SGCG: variants seen among roughly 807,000 people sequenced by gnomAD.
SGCG encodes sarcoglycan gamma.
Under a neutral mutation model 29.3 loss-of-function variants are expected in SGCG, and 26 were observed. That is an observed-to-expected ratio of 0.89 (90% CI 0.65 to 1.23). The LOEUF (loss-of-function observed/expected upper bound fraction) is 1.23, where lower values mean the gene tolerates loss of function less well. Among genes scored for constraint, SGCG ranks in the 50% most tolerant of loss-of-function variants. The probability of loss-of-function intolerance (pLI) is 0.00; values close to 1 mark genes in which losing one functional copy is unlikely to be tolerated. For missense variants in SGCG, 353 were observed against 356.0 expected (o/e 0.99, Z 0.07); for synonymous variants, 145 against 129.7 (o/e 1.12, Z -0.80).
chr13:23,225,181 C>G (rs1157272177), intron 2 of SGCG, among the ~76,000 whole-genome samples: 1 of 152,168 alleles, frequency 6.6e-6, no homozygotes, highest in Non-Finnish European at 1.5e-5. Flanking sequence ...CAAGGATGTC[C>G]ACATCCTAAC....
At chr13:23,323,712 G>A (rs1205349317) in intron 7 of SGCG, among the ~76,000 whole-genome samples, 1 of 152,144 alleles carries the variant, frequency 6.6e-6, no homozygotes, top group Non-Finnish European at 1.5e-5. Context: ...CGTGTCTACT[G>A]CTTTTCAGCA....
rs920480553 is a variant in SGCG, at chr13:23,220,272, G to A, written c.196-14339G>A. On this transcript the variant is annotated intron_variant, in intron 2 of 7. Coordinates refer to ENST00000218867, the MANE Select transcript of SGCG (RefSeq NM_000231.3). ...GTTTGAGACCAGCCTGATCAACATG[G>A]AGAAACCCGTCTCTACTAAAAATAC... Among the ~76,000 whole-genome samples the A allele has an allele frequency of 1.3e-5, 2 of 152,106 alleles. 1 individual carries two copies. The highest frequency in any genetic ancestry group is 4.8e-5 in the African/African-American group (2 of 41,442).
intron 5 of SGCG, among the ~76,000 whole-genome samples, chr13:23,288,208 C>T (rs965478897): frequency 1.3e-5 from 2 of 152,190 alleles, no homozygotes; most frequent in Non-Finnish European, 2.9e-5. Context: ...CAGTAGTTGA[C>T]AGCCAAGGAA....
chr13:23,303,093 T>G (rs947766474), intron 6 of SGCG, among the ~76,000 whole-genome samples: 6 of 152,262 alleles, frequency 3.9e-5, no homozygotes, highest in Non-Finnish European at 8.8e-5. Flanking sequence ...TTGTCAATTC[T>G]GTCACCAATT....
chr13:23,183,466 G>A (rs887446412), intron 1 of SGCG, among the ~76,000 whole-genome samples: 2 of 151,994 alleles, frequency 1.3e-5, no homozygotes, highest in African/African-American at 4.8e-5. Flanking sequence ...TTCTCTGCAC[G>A]CAGCCATGGC....
intron 2 of SGCG, among the ~76,000 whole-genome samples, chr13:23,231,434 C>T (rs1879107646): frequency 6.6e-6 from 1 of 151,786 alleles, no homozygotes; most frequent in Non-Finnish European, 1.5e-5. Flanking sequence ...CTTTGGCAAT[C>T]TGACTATGTA....
intron 4 of SGCG, among the ~76,000 whole-genome samples, chr13:23,277,745 C>T (rs1881141021): frequency 1.4e-5 from 2 of 147,982 alleles, no homozygotes; most frequent in South Asian, 4.3e-4. Context: ...GTCGCCCAGG[C>T]TGGAGTGCAG....
At chr13:23,274,107 C>CT (rs1566025997) in intron 4 of SGCG, among the ~76,000 whole-genome samples, 1 of 152,138 alleles carries the variant, frequency 6.6e-6, no homozygotes, top group East Asian at 1.9e-4. Flanking sequence ...CATTAAAAAT[C>CT]TTTTTTGTCA....
intron 1 of SGCG, among the ~76,000 whole-genome samples, chr13:23,192,729 A>T (rs74414813): frequency 6.6e-6 from 1 of 152,322 alleles, no homozygotes; most frequent in Non-Finnish European, 1.5e-5. Context: ...GTTATGAGAG[A>T]TGTATGAAGT....
At chr13:23,303,667 T>C (rs1382709466) in intron 6 of SGCG, among the ~76,000 whole-genome samples, 1 of 152,224 alleles carries the variant, frequency 6.6e-6, no homozygotes, top group Non-Finnish European at 1.5e-5. Context: ...TTTCAACTGC[T>C]CCCCTATATA....
chr13:23,319,346 A>G (rs1882949933), intron 6 of SGCG, among the ~76,000 whole-genome samples: 2 of 151,874 alleles, frequency 1.3e-5, no homozygotes, highest in South Asian at 4.2e-4. Flanking sequence ...CAGCCAGACC[A>G]TGCACATGGA....
At chr13:23,268,123 G>A (rs1202164996) in intron 4 of SGCG, 1 of 153,302 alleles carries the variant, frequency 6.5e-6, no homozygotes, top group Non-Finnish European at 1.5e-5. Context: ...TCTCCAGATT[G>A]GTGGAAATTT....
the SGCG span, among the ~76,000 whole-genome samples, chr13:23,165,580 A>C: frequency 6.6e-6 from 1 of 150,546 alleles, no homozygotes; most frequent in East Asian, 1.9e-4. Flanking sequence ...GCTGGAGTGC[A>C]GTGGCACTGT....
intron 4 of SGCG, among the ~76,000 whole-genome samples, chr13:23,256,520 C>T (rs1880185441): frequency 6.6e-6 from 1 of 152,042 alleles, no homozygotes; most frequent in South Asian, 2.1e-4. Flanking sequence ...TAATGCTGTC[C>T]CTCCCCCATT....
At chr13:23,299,935 A>G (rs913006595) in intron 6 of SGCG, among the ~76,000 whole-genome samples, 3 of 152,226 alleles carry the variant, frequency 2.0e-5, no homozygotes, top group Non-Finnish European at 2.9e-5. Context: ...CAATGAGTTT[A>G]CAGTCTATTG....
intron 2 of SGCG, among the ~76,000 whole-genome samples, chr13:23,219,194 C>G (rs1878557907): frequency 6.6e-6 from 1 of 151,676 alleles, no homozygotes; most frequent in Admixed American, 6.6e-5. Context: ...ACTACAGGTG[C>G]CTGCCACCTC....
chr13:23,294,347 T>TA (rs1189141422), intron 5 of SGCG, among the ~76,000 whole-genome samples: 4 of 152,230 alleles, frequency 2.6e-5, no homozygotes, highest in Non-Finnish European at 5.9e-5. Context: ...ATGTGAAAGA[T>TA]ACGTTTGTAT....
intron 3 of SGCG, among the ~76,000 whole-genome samples, chr13:23,241,263 A>G (rs1419687836): frequency 6.6e-6 from 1 of 152,102 alleles, no homozygotes. Flanking sequence ...AACAAATAAA[A>G]TCATAAATGA....
At chr13:23,195,440 CTTG>C (rs750162017) in intron 1 of SGCG, among the ~76,000 whole-genome samples, 1 of 149,850 alleles carries the variant, frequency 6.7e-6, no homozygotes, top group Non-Finnish European at 1.5e-5. Context: ...TGGGTTTGAG[CTTG>C]TTTTTATTTT....
Sources: allele counts gnomAD v4.1 joint callset (sites outside exome capture counted in the v4.1 genomes callset), GRCh38; gene constraint gnomAD v4.1.1; transcripts MANE v1.5; gene names NCBI Gene and HGNC (gene_info 2026-07-23, HGNC 2026-07-21).